Variants in EIF2B4 observed in about 807,000 individuals in gnomAD.
The protein encoded by EIF2B4 is translation initiation factor eIF2B subunit delta.
In EIF2B4, 34 loss-of-function variants were observed where a neutral mutation model predicts 66.7. The observed-to-expected ratio is 0.51, with a 90% CI of 0.39 to 0.68. The LOEUF is 0.68. EIF2B4 is among the 30% of genes least tolerant of loss of function. The probability of loss-of-function intolerance (pLI) is 0.00; values close to 1 mark genes in which losing one functional copy is unlikely to be tolerated. For synonymous variants in EIF2B4, 278 were observed against 253.6 expected (o/e 1.10, Z -0.92); for missense variants, 618 against 657.9 (o/e 0.94, Z 0.66).
chr2:27,366,807 G>A lies in EIF2B4; in HGVS notation c.1143C>T (p.Val381=), dbSNP rs749762984. The change falls in exon 11 of 13, where the codon GTC becomes GTT. Residue 381 remains valine, a synonymous_variant. Transcript: ENST00000347454. ...HTLRSLVHAG[V]PASYLLIPAA... is the part of the protein sequence containing the mutation. ...CAGGAATCAGCAGGTAGGAGGCTGG[G>A]ACACCAGCATGGACTAGAGAACGTA... 5.0e-6 allele frequency: 8 copies of A among 1,614,110 alleles called. No individual in the cohort carries two copies. The highest frequency in any genetic ancestry group is 1.7e-5 in the Admixed American group (1 of 60,014).
At chr2:27,368,228 A>G (rs1332061533) in intron 6 of EIF2B4, 89 bp from the exon 7 acceptor site, 10 of 1,319,512 alleles carry the variant, frequency 7.6e-6, no homozygotes, top group Non-Finnish European at 9.7e-6. Context: ...TCCCTTCACT[A>G]GCAGATTTCC....
At chr2:27,365,539 G>A (rs967106278) in intron 11 of EIF2B4, 11 of 154,012 alleles carry the variant, frequency 7.1e-5, no homozygotes, top group Middle Eastern at 3.1e-3. Context: ...ACCACGCCCG[G>A]CTAATTTTTT....
In EIF2B4 at chr2:27,366,838, T is replaced by G; in HGVS notation, c.1112A>C (p.His371Pro). ...AGCATGGACTAGAGAACGTAGTGTG[T>G]GCCTTCCTTCCAGCCATGGCCGGCT... ...VDSRPWLEGR[H>P]TLRSLVHAGV... The change falls in exon 11 of 13, where the codon CAC becomes CCC. Residue 371 changes from histidine to proline, a missense_variant. By Grantham distance (77) the His-to-Pro change is moderately conservative. This residue lies in a region of EIF2B4 where 506 missense variants were observed against 511.9 expected (regional missense o/e 0.99). Transcript: ENST00000347454. 6.2e-7 allele frequency: 1 copy of G among 1,614,210 alleles called. No homozygotes were observed. The highest frequency in any genetic ancestry group is 8.5e-7 in the Non-Finnish European group (1 of 1,180,034).
intron 12 of EIF2B4, 47 bp downstream of exon 12, chr2:27,364,671 T>C: frequency 6.2e-7 from 1 of 1,614,144 alleles, no homozygotes; most frequent in South Asian, 1.1e-5. Context: ...TCTCCCTCCC[T>C]CTCAAGTCTT....
At chr2:27,368,855 A>C in intron 4 of EIF2B4, 122 bp from the exon 5 acceptor site, 1 of 1,424,530 alleles carries the variant, frequency 7.0e-7, no homozygotes, top group Non-Finnish European at 9.8e-7. Context: ...AATAGGGTAG[A>C]AAAGGAAATA....
At chr2:27,366,598 G>A in intron 11 of EIF2B4, 161 bp downstream of exon 11, 1 of 805,056 alleles carries the variant, frequency 1.2e-6, no homozygotes, top group Non-Finnish European at 2.1e-6. Context: ...AAGATCACCT[G>A]AGCCCAGGAG....
At chr2:27,369,826 G>A (rs1423970021) in intron 2 of EIF2B4, 50 bp downstream of exon 2, 15 of 1,539,186 alleles carry the variant, frequency 9.7e-6, no homozygotes, top group African/African-American at 1.4e-5. Context: ...AGCTGGCACA[G>A]CCTCCTGCGT....
At chr2:27,368,527 A>T in intron 5 of EIF2B4, 64 bp from the exon 6 acceptor site, 1 of 1,567,320 alleles carries the variant, frequency 6.4e-7, no homozygotes, top group African/African-American at 1.4e-5. Flanking sequence ...TAAAGCTGGA[A>T]AGGAAGTGAA....
At position 27,368,669 on chromosome 2, in the gene EIF2B4, T is replaced by C. The variant is rs147672203; in HGVS notation, c.483A>G (p.Lys161=). 152 of 1,614,034 alleles carry C rather than the reference T, an allele frequency of 9.4e-5. No individual in the cohort carries two copies. Among genetic ancestry groups the C allele is most frequent in the Non-Finnish European group, 1.2e-4 (147 of 1,180,028 alleles). The change falls in exon 5 of 13, where the codon AAA becomes AAG. Residue 161 remains lysine, a synonymous_variant. Transcript: ENST00000347454. ...CACTTCCTACCTGTTGACGCTCTGG[T>C]TTTTTAACAAGCCTTCTCAGAAGTA... The part of the protein sequence containing the change: ...DDLLLRRLVK[K]PERQQVPTRK...
intron 2 of EIF2B4, 149 bp downstream of exon 2, chr2:27,369,727 A>G: frequency 1.4e-6 from 2 of 1,437,952 alleles, no homozygotes; most frequent in Non-Finnish European, 1.9e-6. Context: ...GGACAGAATC[A>G]TATATCCCTA....
Position 27,367,571 on chromosome 2 carries a change from C to T in EIF2B4, c.783-12G>A. On this transcript the variant is annotated splice_polypyrimidine_tract_variant and intron_variant, in intron 8 of 12. Coordinates refer to ENST00000347454, the MANE Select transcript of EIF2B4 (RefSeq NM_001034116.2). The stretch of plus-strand genomic sequence containing the variant: ...ACTGAGTCAGGAAGCTATAATACAA[C>T]AGCAATACCTTATATCTGCGCAACT... The T allele has an allele frequency of 6.2e-7, 1 of 1,613,666 alleles. No homozygotes were observed.
chr2:27,367,858 T>C, intron 7 of EIF2B4, 36 bp from the exon 8 acceptor site: 1 of 1,593,622 alleles, frequency 6.3e-7, no homozygotes, highest in Non-Finnish European at 8.6e-7. Flanking sequence ...AAAATACCCC[T>C]TAATAAAGAT....
chr2:27,364,779 G>A lies in EIF2B4; in HGVS notation c.1311C>T (p.Cys437=), dbSNP rs777297913. The change falls in exon 12 of 13, where the codon TGC becomes TGT. Residue 437 remains cysteine, a synonymous_variant. Coordinates refer to ENST00000347454, the MANE Select transcript of EIF2B4 (RefSeq NM_001034116.2). ...GCTCACAGAACTTGTATGTTTCACA[G>A]CAAACCAGCACTGGTACATTATGGG... ...ARAHNVPVLV[C]CETYKFCERV... 6 of 1,614,050 alleles carry A rather than the reference G, an allele frequency of 3.7e-6. No individual in the cohort carries two copies. In the African/African-American group the frequency reaches 6.7e-5, roughly 18 times the overall value.
Position 27,369,015 on chromosome 2 carries a change from T to C in EIF2B4, c.409A>G (p.Thr137Ala), listed in dbSNP as rs1208778283. 3 of 1,613,918 alleles carry C rather than the reference T, an allele frequency of 1.9e-6. No individual in the cohort carries two copies. In the South Asian group the frequency reaches 3.3e-5, roughly 18 times the overall value. The change falls in exon 4 of 13, where the codon ACC (threonine) becomes GCC (alanine). Residue 137 changes from threonine (T) to alanine (A), a missense_variant. Coordinates refer to ENST00000347454, the MANE Select transcript of EIF2B4 (RefSeq NM_001034116.2). ...AATGAAGGGAAGATACCTGAGGGGG[T>C]TTCTCCAGCTGTGCTGGGGCTGGCC... The part of the protein sequence containing the change: ...PKASPSTAGE[T>A]PSGVKRLPEY...
intron 11 of EIF2B4, chr2:27,365,154 T>G: frequency 2.4e-6 from 1 of 415,966 alleles, no homozygotes; most frequent in East Asian, 5.5e-5. Flanking sequence ...CCTCCTGGGT[T>G]CAAGTGATTC....
rs756826232 is a variant in EIF2B4 at position 27,367,434 on chromosome 2, T to G, written c.885+23A>C. On this transcript the variant is annotated intron_variant, in intron 9 of 12. Coordinates refer to ENST00000347454, the MANE Select transcript of EIF2B4 (RefSeq NM_001034116.2). ...TAATTTTACCCACAGGTGCATGCCTTCCTTATTTCTCATACTCATCACCTC... is the reference window on the plus strand; with the variant it reads ...TAATTTTACCCACAGGTGCATGCCTGCCTTATTTCTCATACTCATCACCTC... The G allele has an allele frequency of 2.4e-5, 38 of 1,613,734 alleles. No individual in the cohort carries two copies. The Middle Eastern group carries it at 2.1e-3, about 91-fold the overall frequency.
At chr2:27,368,558 A>C (rs1342940046) in intron 5 of EIF2B4, 95 bp from the exon 6 acceptor site, 8 of 1,559,926 alleles carry the variant, frequency 5.1e-6, no homozygotes, top group African/African-American at 1.4e-5. Context: ...ACTCTGACCC[A>C]AGCACCTATC....
intron 3 of EIF2B4, 71 bp downstream of exon 3, chr2:27,369,343 C>G: frequency 6.3e-7 from 1 of 1,591,128 alleles, no homozygotes; most frequent in Non-Finnish European, 8.5e-7. Context: ...TCCTGTCTCT[C>G]CCTTATCTCT....
At position 27,369,076 on chromosome 2, in the gene EIF2B4, C is replaced by T; in HGVS notation, c.348G>A (p.Gln116=). Residue 116 remains glutamine (Q), a synonymous_variant, in exon 4 of 13, where the codon CAG becomes CAA. Transcript: ENST00000347454. ...AKQEAERALK[Q]ARKGEQGGPP... The stretch of plus-strand genomic sequence containing the variant: ...GTCCTCCTTGTTCCCCTTTTCTTGC[C>T]TGTTTCAGGGCCCGCTCGGCCTCCT... The T allele has an allele frequency of 6.2e-7, 1 of 1,614,108 alleles. No homozygotes were observed. Among genetic ancestry groups the T allele is most frequent in the Non-Finnish European group, 8.5e-7 (1 of 1,180,016 alleles).
Sources: gnomAD v4.1 joint callset for allele counts on GRCh38, gnomAD v4.1.1 for gene constraint, gnomAD v4.1.1 regional missense constraint, MANE v1.5 for transcripts, NCBI Gene and HGNC (gene_info 2026-07-23, HGNC 2026-07-21) for gene names.